SYNE1: variants seen among roughly 807,000 people sequenced by gnomAD.
The protein encoded by SYNE1 is spectrin repeat containing nuclear envelope protein 1.
A neutral mutation model predicts 1,111.0 loss-of-function variants in SYNE1; 616 were observed. The ratio of observed to expected loss-of-function variants is 0.55; its 90% CI spans 0.52 to 0.59. The LOEUF is 0.59. Among genes scored for constraint, SYNE1 ranks in the 20% least tolerant of loss-of-function variants. SYNE1 has a pLI of 0.00. For missense variants in SYNE1, 10,006 were observed against 10,417.0 expected, an observed-to-expected ratio of 0.96 and a Z score of 1.72; for synonymous variants, 3,855 against 3,825.8, an observed-to-expected ratio of 1.01 and a Z score of -0.28.
chr6:152,535,954 G>T (rs1356065245), intron 4 of SYNE1, among the ~76,000 whole-genome samples: 1 of 151,964 alleles, frequency 6.6e-6, no homozygotes, highest in Non-Finnish European at 1.5e-5. Flanking sequence ...ATGCTGTTAG[G>T]CCTAAGACAT....
chr6:152,304,836 T>C (rs550735026), intron 91 of SYNE1, among the ~76,000 whole-genome samples: 14 of 152,332 alleles, frequency 9.2e-5, no homozygotes, highest in African/African-American at 3.4e-4. Context: ...TGGTCACCAC[T>C]TCCAAAGGTT....
intron 105 of SYNE1, among the ~76,000 whole-genome samples, chr6:152,246,729 C>G (rs2153580004): frequency 6.6e-6 from 1 of 152,228 alleles, no homozygotes; most frequent in African/African-American, 2.4e-5. Context: ...GCTCCCAGCC[C>G]AGTGGATAAA....
In SYNE1 at chr6:152,132,135, T is replaced by A; in HGVS notation, c.26081A>T (p.Asn8694Ile). 1 of 1,614,084 alleles carries A rather than the reference T, an allele frequency of 6.2e-7. No homozygotes were observed. Among genetic ancestry groups the A allele is most frequent in the Non-Finnish European group, 8.5e-7 (1 of 1,179,978 alleles). The change falls in exon 144 of 146, where the codon AAC (asparagine) becomes ATC (isoleucine). Residue 8694 changes from asparagine (N) to isoleucine (I), a missense_variant. Coordinates refer to ENST00000367255, the MANE Select transcript of SYNE1 (RefSeq NM_182961.4). ...GTGGAAAGTTACCGTTTTCTGTCTG[T>A]TTGGGGTGCTCCTTCCTGATGTGGG... is the stretch of plus-strand genomic sequence containing the variant. Reference protein sequence around the residue: ...VSPTSGRSTPNRQKTPRGKCS... With the variant: ...VSPTSGRSTPIRQKTPRGKCS...
intron 98 of SYNE1, among the ~76,000 whole-genome samples, chr6:152,274,605 T>C (rs536236330): frequency 3.7e-4 from 56 of 152,210 alleles, no homozygotes; most frequent in South Asian, 6.2e-4. Flanking sequence ...TATTTACTTA[T>C]TCATTTTTGA....
At chr6:152,582,910 A>G (rs2128440151) in intron 3 of SYNE1, among the ~76,000 whole-genome samples, 1 of 152,310 alleles carries the variant, frequency 6.6e-6, no homozygotes, top group Non-Finnish European at 1.5e-5. Context: ...AATACTTTGT[A>G]GAAGGTTGCA....
At position 152,331,896 on chromosome 6, in the gene SYNE1, A is replaced by T. The variant is rs1245551583; in HGVS notation, c.12795-6T>A. 1 of 1,610,390 alleles carries T rather than the reference A, an allele frequency of 6.2e-7. No individual in the cohort carries two copies. The highest frequency in any genetic ancestry group is 1.1e-5 in the South Asian group (1 of 91,082). ...CTGTACTCTCTGCATCAGATCTGAA[A>T]ATACATGGAAAGGTATAAGAGCAAA... On this transcript the variant is annotated splice_region_variant and splice_polypyrimidine_tract_variant and intron_variant, in intron 77 of 145. Transcript: ENST00000367255.
chr6:152,461,486 A>G (rs1036586016), intron 21 of SYNE1, 111 bp downstream of exon 21: 1 of 1,372,440 alleles, frequency 7.3e-7, no homozygotes, highest in African/African-American at 1.4e-5. Context: ...ATTAGAAACA[A>G]AAGCATCGTT....
At chr6:152,381,508 C>A in intron 55 of SYNE1, 146 bp from the exon 56 acceptor site, 1 of 822,634 alleles carries the variant, frequency 1.2e-6, no homozygotes, top group African/African-American at 1.7e-5. Context: ...CATCTGTCCA[C>A]TCTTAAATTA....
In SYNE1 at chr6:152,376,840, G is replaced by A. The variant is rs369163343; in HGVS notation, c.9082C>T (p.Arg3028Ter). The A allele has an allele frequency of 3.1e-6, 5 of 1,613,846 alleles. No homozygotes were observed. The highest frequency in any genetic ancestry group is 2.2e-5 in the East Asian group (1 of 44,872). Reference sequence around the variant, plus strand: ...TAGGTACTCAGGTCTCTGGAAAATCGACAAAGTTCATTCAGCTGAGACTTG... The same window carrying A: ...TAGGTACTCAGGTCTCTGGAAAATCAACAAAGTTCATTCAGCTGAGACTTG... ...DLKSQLNELC[R>*]FSRDLSTYSG... Residue 3028 changes from arginine (R) to a stop codon, truncating the protein, a stop_gained, in exon 57 of 146, where the codon CGA becomes TGA. Transcript: ENST00000367255. LOFTEE classifies it high-confidence loss of function.
At chr6:152,536,663 C>G (rs1384930765) in intron 4 of SYNE1, among the ~76,000 whole-genome samples, 4 of 151,288 alleles carry the variant, frequency 2.6e-5, no homozygotes, top group East Asian at 3.9e-4. Flanking sequence ...GCTTTCCCCC[C>G]AAGCCTCTTG....
intron 8 of SYNE1, among the ~76,000 whole-genome samples, chr6:152,509,675 C>T (rs776589632): frequency 1.2e-4 from 18 of 150,432 alleles, no homozygotes; most frequent in Non-Finnish European, 2.5e-4. Context: ...CTAGAGTTGA[C>T]AAAAAAATCT....
chr6:152,385,221 G>A (rs913047889), intron 55 of SYNE1, among the ~76,000 whole-genome samples: 5 of 152,178 alleles, frequency 3.3e-5, no homozygotes, highest in African/African-American at 9.7e-5. Flanking sequence ...CAGAGTAAAC[G>A]AGATGATAAT....
At chr6:152,479,973 G>GA (rs1021465436) in intron 14 of SYNE1, among the ~76,000 whole-genome samples, 1 of 152,048 alleles carries the variant, frequency 6.6e-6, no homozygotes, top group African/African-American at 2.4e-5. Context: ...TGTGAAGAAT[G>GA]AAAAAAACCA....
At chr6:152,467,104 T>C (rs1478269175) in intron 16 of SYNE1, among the ~76,000 whole-genome samples, 1 of 152,150 alleles carries the variant, frequency 6.6e-6, no homozygotes, top group Non-Finnish European at 1.5e-5. Context: ...AAATTGTATC[T>C]ATAACATATT....
At chr6:152,603,154 G>T (rs1186453088) in intron 3 of SYNE1, among the ~76,000 whole-genome samples, 2 of 152,062 alleles carry the variant, frequency 1.3e-5, no homozygotes, top group African/African-American at 4.8e-5. Context: ...TTTCTTTGAA[G>T]ATTTCTCCCA....
intron 51 of SYNE1, among the ~76,000 whole-genome samples, chr6:152,393,907 A>G (rs2097688344): frequency 6.6e-6 from 1 of 152,192 alleles, no homozygotes; most frequent in South Asian, 2.1e-4. Context: ...TACAAGTGCC[A>G]TGGTGGTTTG....
chr6:152,587,685 G>C (rs1406223539), intron 3 of SYNE1, among the ~76,000 whole-genome samples: 1 of 152,130 alleles, frequency 6.6e-6, no homozygotes, highest in Non-Finnish European at 1.5e-5. Flanking sequence ...TAGAGGGTCT[G>C]CTGTGGCAAT....
chr6:152,635,917 C>G (rs527616068), intron 2 of SYNE1, among the ~76,000 whole-genome samples: 1 of 152,286 alleles, frequency 6.6e-6, no homozygotes, highest in Admixed American at 6.5e-5. Context: ...TCAGCACACC[C>G]AGCCTGCCTT....
intron 63 of SYNE1, among the ~76,000 whole-genome samples, chr6:152,363,291 AAG>A: frequency 2.0e-5 from 3 of 148,278 alleles, no homozygotes; most frequent in South Asian, 2.2e-4. Context: ...TCAGGAGATC[AAG>A]GCCATCCTGG....
Sources: gnomAD v4.1 joint callset for allele counts (sites outside exome capture counted in the v4.1 genomes callset) on GRCh38, gnomAD v4.1.1 for gene constraint, MANE v1.5 for transcripts, NCBI Gene and HGNC (gene_info 2026-07-23, HGNC 2026-07-21) for gene names.